Variants in DMXL1 observed in about 807,000 individuals in gnomAD.
DMXL1 encodes dmX-like protein 1.
Under a neutral mutation model 319.2 loss-of-function variants are expected in DMXL1, and 99 were observed. The observed-to-expected ratio is 0.31, with a 90% CI of 0.26 to 0.37. The LOEUF is 0.37. DMXL1 is among the 10% of genes least tolerant of loss of function. The pLI, the probability that DMXL1 is intolerant of heterozygous loss-of-function variation, is 1.00. For missense variants in DMXL1, 3,745 were observed against 3,595.6 expected, an observed-to-expected ratio of 1.04 and a Z score of -1.06; for synonymous variants, 1,385 against 1,235.2, an observed-to-expected ratio of 1.12 and a Z score of -2.54.
chr5:119,123,382 AGAGGAGGGAGAGGAGGG>A (rs1762714723), intron 9 of DMXL1, among the ~76,000 whole-genome samples: 2 of 8,544 alleles, frequency 2.3e-4, no homozygotes, highest in African/African-American at 6.4e-4. Context: ...AGGGAGAGGG[AGAGGAGGGAGAGGAGGG>A]GGAGGGAGAG....
chr5:119,116,055 C>T (rs1760768176), intron 6 of DMXL1, 103 bp from the exon 7 acceptor site: 2 of 1,063,366 alleles, frequency 1.9e-6, no homozygotes, highest in Non-Finnish European at 2.7e-6. Flanking sequence ...CTCTTCCCAT[C>T]CCCAAGTTCT....
intron 1 of DMXL1, among the ~76,000 whole-genome samples, chr5:119,079,033 A>C (rs1751611470): frequency 6.6e-6 from 1 of 152,092 alleles, no homozygotes; most frequent in African/African-American, 2.4e-5. Flanking sequence ...TGTATATCTC[A>C]TGAGCACTAC....
intron 1 of DMXL1, among the ~76,000 whole-genome samples, chr5:119,094,403 C>T (rs1262787379): frequency 2.0e-5 from 3 of 152,222 alleles, no homozygotes; most frequent in Non-Finnish European, 2.9e-5. Flanking sequence ...GCACAGTTTA[C>T]TAAATATTTC....
At chr5:119,081,969 C>G (rs1488846381) in intron 1 of DMXL1, among the ~76,000 whole-genome samples, 4 of 139,840 alleles carry the variant, frequency 2.9e-5, no homozygotes, top group African/African-American at 1.0e-4. Context: ...ACTGTCATAA[C>G]TATTTCCCAG....
Position 119,170,682 on chromosome 5 carries a change from T to C in DMXL1, c.5891T>C (p.Leu1964Ser), listed in dbSNP as rs143519207. The C allele has an allele frequency of 5.4e-5, 87 of 1,613,602 alleles. No homozygotes were observed. The African/African-American group carries it at 7.3e-4, about 14-fold the overall frequency. ...QPSVVFQDDS[L>S]ELKWDSDNDE... The stretch of plus-strand genomic sequence containing the variant: ...AGTGTTGTGTTTCAGGATGACTCTT[T>C]AGAGTTAAAATGGGACAGTGATAAT... Residue 1964 changes from leucine (L) to serine (S), a missense_variant, in exon 24 of 44, where the codon TTA becomes TCA. Physicochemically the swap from Leu to Ser is moderately radical, Grantham distance 145 (BLOSUM62 -2). This residue lies in a region of DMXL1 where 1,382 missense variants were observed against 1,269.5 expected (regional missense o/e 1.09). Coordinates refer to ENST00000539542, the MANE Select transcript of DMXL1 (RefSeq NM_001290321.3).
At chr5:119,125,893 A>G (rs758657307) in intron 9 of DMXL1, among the ~76,000 whole-genome samples, 2 of 152,208 alleles carry the variant, frequency 1.3e-5, no homozygotes, top group Non-Finnish European at 2.9e-5. Context: ...CAAAACAAAC[A>G]AAGGTTGCTA....
chr5:119,202,724 G>A (rs1461025453), intron 32 of DMXL1, among the ~76,000 whole-genome samples: 1 of 151,314 alleles, frequency 6.6e-6, no homozygotes, highest in East Asian at 1.9e-4. Flanking sequence ...GGTGGCAGGT[G>A]CCTGTAATCC....
chr5:119,122,631 C>T lies in DMXL1; in HGVS notation c.1102+1492C>T, dbSNP rs1489449281. On this transcript the variant is annotated intron_variant, in intron 9 of 43. Transcript: ENST00000539542. ...GGGTCTCCTCACTTCTCAGACGGGG[C>T]GGCCGGGCAGAGACGCCCTTCCCCT... Among the ~76,000 whole-genome samples, 8 of 149,466 alleles carry T rather than the reference C, an allele frequency of 5.4e-5. 1 individual carries two copies. The highest frequency in any genetic ancestry group is 7.4e-5 in the African/African-American group (3 of 40,406).
intron 1 of DMXL1, among the ~76,000 whole-genome samples, chr5:119,082,020 T>TATATACACACAC (rs1200957102): frequency 9.2e-5 from 10 of 108,140 alleles, no homozygotes; most frequent in South Asian, 3.1e-4. Context: ...TATATATATA[T>TATATACACACAC]ACACACACAC....
chr5:119,129,850 G>C (rs1213140956), intron 10 of DMXL1, among the ~76,000 whole-genome samples: 10 of 152,160 alleles, frequency 6.6e-5, no homozygotes, highest in Non-Finnish European at 1.5e-4. Context: ...CTCTGCCTTT[G>C]GCCTTCAGTT....
chr5:119,244,285 C>A, intron 42 of DMXL1, 74 bp from the exon 43 acceptor site: 2 of 1,213,398 alleles, frequency 1.6e-6, no homozygotes, highest in Non-Finnish European at 2.3e-6. Flanking sequence ...TCTATTATTT[C>A]ACTTTAGCCA....
chr5:119,125,251 C>T (rs1554102073), intron 9 of DMXL1, among the ~76,000 whole-genome samples: 2 of 152,032 alleles, frequency 1.3e-5, no homozygotes, highest in Non-Finnish European at 2.9e-5. Flanking sequence ...GGTAAAAAGA[C>T]TTTTTTTCTC....
rs1781852605 is a variant in DMXL1 at position 119,206,950 on chromosome 5, A to G, written c.7926+54A>G. 8 of 1,104,742 alleles carry G rather than the reference A, an allele frequency of 7.2e-6. No homozygotes were observed. In the Admixed American group the frequency reaches 8.8e-5, roughly 12 times the overall value. The allele number at this position is 1,104,742 out of a possible 1,614,324, so 68.4% of individuals were successfully genotyped here. On this transcript the variant is annotated intron_variant, in intron 34 of 43. Transcript: ENST00000539542. ...AAATTGCATTCTTTCACAAAAGAAC[A>G]AAGCATTTGCATTTTACTTTTAAAC...
chr5:119,192,954 C>G (rs1778952854), intron 29 of DMXL1, among the ~76,000 whole-genome samples: 1 of 152,142 alleles, frequency 6.6e-6, no homozygotes. Context: ...CTCTTGTTCT[C>G]CAAATCTATC....
intron 28 of DMXL1, among the ~76,000 whole-genome samples, chr5:119,189,345 A>G (rs2150368285): frequency 6.6e-6 from 1 of 152,278 alleles, no homozygotes; most frequent in South Asian, 2.1e-4. Context: ...ATTAACACTG[A>G]CATCCCATGA....
intron 9 of DMXL1, among the ~76,000 whole-genome samples, chr5:119,121,410 T>C (rs1762020503): frequency 6.6e-6 from 1 of 152,042 alleles, no homozygotes; most frequent in Non-Finnish European, 1.5e-5. Flanking sequence ...CTGGTTTTCC[T>C]AGGCAGAGGA....
At chr5:119,161,117 C>T (rs1016592101) in intron 19 of DMXL1, among the ~76,000 whole-genome samples, 1 of 152,176 alleles carries the variant, frequency 6.6e-6, no homozygotes, top group Non-Finnish European at 1.5e-5. Context: ...CACTATTAAA[C>T]CTAGCCTCTG....
At chr5:119,129,748 C>G (rs1033313672) in intron 10 of DMXL1, among the ~76,000 whole-genome samples, 2 of 152,188 alleles carry the variant, frequency 1.3e-5, no homozygotes, top group African/African-American at 4.8e-5. Flanking sequence ...CACACAGACC[C>G]ACCAAACCAG....
intron 13 of DMXL1, among the ~76,000 whole-genome samples, chr5:119,134,963 C>T (rs904273324): frequency 1.3e-5 from 2 of 152,244 alleles, no homozygotes; most frequent in African/African-American, 4.8e-5. Context: ...AGGCAGCCTT[C>T]GGCTGTACCA....
Sources: allele counts gnomAD v4.1 joint callset (sites outside exome capture counted in the v4.1 genomes callset), GRCh38; gene constraint gnomAD v4.1.1; regional missense constraint gnomAD v4.1.1; transcripts MANE v1.5; gene names NCBI Gene and HGNC (gene_info 2026-07-23, HGNC 2026-07-21).